Variants in CAMK4 observed in about 807,000 individuals in gnomAD.
CAMK4 encodes the protein calcium/calmodulin dependent protein kinase IV.
Under a neutral mutation model 44.9 loss-of-function variants are expected in CAMK4, and 22 were observed. The ratio of observed to expected loss-of-function variants is 0.49; its 90% CI spans 0.35 to 0.70. The LOEUF (loss-of-function observed/expected upper bound fraction) is 0.70, where lower values mean the gene tolerates loss of function less well. CAMK4 is among the 30% of genes least tolerant of loss of function. CAMK4 has a pLI of 0.01. For missense variants in CAMK4, 498 were observed against 586.8 expected (o/e 0.85, Z 1.56); for synonymous variants, 218 against 215.4 (o/e 1.01, Z -0.11).
At position 111,486,500 on chromosome 5, in the gene CAMK4, A is replaced by AACACACACACACACACACACACACACAC. The variant is rs59808544; in HGVS notation, c.*2049_*2076dup. The AACACACACACACACACACACACACACAC allele has an allele frequency of 9.7e-6, 1 of 103,578 alleles. No homozygotes were observed. The highest frequency in any genetic ancestry group is 2.2e-5 in the Non-Finnish European group (1 of 46,302). The allele number at this position is 103,578 out of a possible 1,614,324, so 6.4% of individuals were successfully genotyped here. A position where few individuals can be genotyped will look rare whatever the true frequency, so the allele number is the denominator to read the frequency against. ...GTTGTACTTTTTACCATGAGACTGA[A>AACACACACACACACACACACACACACAC]ACACACACACACACACACACACACA... On this transcript the variant is annotated 3_prime_UTR_variant, in exon 11 of 11. Coordinates refer to ENST00000282356, the MANE Select transcript of CAMK4 (RefSeq NM_001744.6).
chr5:111,346,575 A>G (rs1749878910), intron 2 of CAMK4, among the ~76,000 whole-genome samples: 1 of 151,760 alleles, frequency 6.6e-6, no homozygotes, highest in Admixed American at 6.6e-5. Context: ...ATAAACTACC[A>G]CAAACTAGAT....
intron 5 of CAMK4, among the ~76,000 whole-genome samples, chr5:111,445,704 G>A (rs1445040705): frequency 6.6e-6 from 1 of 152,020 alleles, no homozygotes; most frequent in Admixed American, 6.6e-5. Flanking sequence ...CTGGTATTAC[G>A]GTCATGAGCC....
At chr5:111,400,979 A>C (rs1054826933) in intron 5 of CAMK4, among the ~76,000 whole-genome samples, 2 of 152,144 alleles carry the variant, frequency 1.3e-5, no homozygotes, top group African/African-American at 4.8e-5. Flanking sequence ...CTCTGTTTCC[A>C]AAACATCATC....
Position 111,422,227 on chromosome 5 carries a change from T to C in CAMK4, c.460-24459T>C, listed in dbSNP as rs1376685343. 3.3e-5 allele frequency among the ~76,000 whole-genome samples: 5 copies of C among 152,228 alleles called. No homozygotes were observed. The South Asian group carries it at 1.0e-3, about 32-fold the overall frequency. On this transcript the variant is annotated intron_variant, in intron 5 of 10. Transcript: ENST00000282356. The stretch of plus-strand genomic sequence containing the variant: ...TATGACACAAACTTGCTACTTCCCT[T>C]CATATAGATGATCTGCTTTCTTCTA...
rs1287175608 is a variant in CAMK4, at chr5:111,493,720, T to C, written c.*9254T>C. On this transcript the variant is annotated 3_prime_UTR_variant, in exon 11 of 11. Coordinates refer to ENST00000282356, the MANE Select transcript of CAMK4 (RefSeq NM_001744.6). This position sits in a 1 kb window ranked among gnomAD's most constrained non-coding sequence, Gnocchi z 4.1. ...ACTGTTTTGTAAGTTCCTTTTGATA[T>C]CATTTATTGCAGGCAGTATTTTTAC... is the stretch of plus-strand genomic sequence containing the variant. 1 of 152,236 alleles carries C rather than the reference T, an allele frequency of 6.6e-6. No homozygotes were observed. The highest frequency in any genetic ancestry group is 1.5e-5 in the Non-Finnish European group (1 of 68,038). The allele number at this position is 152,236 out of a possible 1,614,324, so 9.4% of individuals were successfully genotyped here. A position where few individuals can be genotyped will look rare whatever the true frequency, so the allele number is the denominator to read the frequency against.
chr5:111,438,638 A>T (rs1163027991), intron 5 of CAMK4, among the ~76,000 whole-genome samples: 1 of 152,186 alleles, frequency 6.6e-6, no homozygotes, highest in African/African-American at 2.4e-5. Flanking sequence ...GAGTAGACAA[A>T]TGTGCTCAAA....
chr5:111,478,514 G>A lies in CAMK4; in HGVS notation c.828+7G>A, dbSNP rs762502299. Reference sequence around the variant, plus strand: ...TCTAAATGCCAAGGACTTGGTAAGTGTAACCAAAACAAAATGAAACAAAAT... The same window carrying A: ...TCTAAATGCCAAGGACTTGGTAAGTATAACCAAAACAAAATGAAACAAAAT... On this transcript the variant is annotated splice_region_variant and intron_variant, in intron 9 of 10. Coordinates refer to ENST00000282356, the MANE Select transcript of CAMK4 (RefSeq NM_001744.6). The A allele has an allele frequency of 6.9e-7, 1 of 1,455,608 alleles. No individual in the cohort carries two copies. 90.2% of individuals were successfully genotyped at this position (1,455,608 alleles called of 1,614,324 possible). A position where few individuals can be genotyped will look rare whatever the true frequency, so the allele number is the denominator to read the frequency against.
At chr5:111,250,855 G>C (rs1438118750) in intron 1 of CAMK4, among the ~76,000 whole-genome samples, 1 of 152,026 alleles carries the variant, frequency 6.6e-6, no homozygotes, top group Non-Finnish European at 1.5e-5. Flanking sequence ...TGTTGCCAGG[G>C]TGGTCTTGAA....
intron 1 of CAMK4, among the ~76,000 whole-genome samples, chr5:111,264,445 T>A (rs536398701): frequency 1.1e-4 from 16 of 152,300 alleles, no homozygotes; most frequent in African/African-American, 3.8e-4. Flanking sequence ...CCTTGCATGG[T>A]TCTTGAATGC....
chr5:111,376,163 A>G lies in CAMK4; in HGVS notation c.304-697A>G, dbSNP rs564067146. 6.6e-5 allele frequency among the ~76,000 whole-genome samples: 10 copies of G among 152,084 alleles called. No homozygotes were observed. The South Asian group carries it at 2.1e-3, about 32-fold the overall frequency. On this transcript the variant is annotated intron_variant, in intron 3 of 10. Coordinates refer to ENST00000282356, the MANE Select transcript of CAMK4 (RefSeq NM_001744.6). ...ATAAAATCTCCCACACTCCATCACCACTTTTACATTATCCATCTCTTCTCT... is the reference window on the plus strand; with the variant it reads ...ATAAAATCTCCCACACTCCATCACCGCTTTTACATTATCCATCTCTTCTCT...
chr5:111,473,381 C>A lies in CAMK4; in HGVS notation c.696C>A (p.Tyr232Ter). 6.3e-7 allele frequency: 1 copy of A among 1,597,938 alleles called. No individual in the cohort carries two copies. Among genetic ancestry groups the A allele is most frequent in the Non-Finnish European group, 8.6e-7 (1 of 1,165,978 alleles). The change falls in exon 8 of 11, where the codon TAC (tyrosine) becomes TAA (stop). Residue 232 changes from tyrosine (Y) to a stop codon, truncating the protein, a stop_gained. Coordinates refer to ENST00000282356, the MANE Select transcript of CAMK4 (RefSeq NM_001744.6). LOFTEE classifies it high-confidence loss of function. ...VDMWSVGIIT[Y>*]ILLCGFEPFY... ...TGTGGTCTGTAGGAATAATCACCTA[C>A]ATCTTGTAAGTGAAGAAAAGCAATA...
chr5:111,343,478 A>G (rs958636562), intron 1 of CAMK4, among the ~76,000 whole-genome samples: 2 of 151,718 alleles, frequency 1.3e-5, no homozygotes. Context: ...AACCCTGTAC[A>G]TATGTGAAAA....
chr5:111,325,477 C>T lies in CAMK4; in HGVS notation c.162-18547C>T, dbSNP rs1044308562. On this transcript the variant is annotated intron_variant, in intron 1 of 10. Transcript: ENST00000282356. ...TGGTTGAACTAATTTACACTCTCAC[C>T]AACGATGTAAAAGCATTCCTATTTC... Among the ~76,000 whole-genome samples, 6 of 152,192 alleles carry T rather than the reference C, an allele frequency of 3.9e-5. No homozygotes were observed. In the East Asian group the frequency reaches 1.2e-3, roughly 30 times the overall value.
At chr5:111,458,668 G>T (rs188848560) in intron 7 of CAMK4, among the ~76,000 whole-genome samples, 1 of 152,252 alleles carries the variant, frequency 6.6e-6, no homozygotes, top group East Asian at 1.9e-4. Flanking sequence ...AGGAGCCTGG[G>T]TTACAGTTTA....
Position 111,366,194 on chromosome 5 carries a change from A to G in CAMK4, c.241-8656A>G, listed in dbSNP as rs75070115. On this transcript the variant is annotated intron_variant, in intron 2 of 10. Transcript: ENST00000282356. ...TGTACTTAGCATAATATCTCTGGAC[A>G]TCATTCATACCAAAAATAAGTCAAA... Among the ~76,000 whole-genome samples, 1,049 of 152,276 alleles carry G rather than the reference A, an allele frequency of 6.9e-3. 9 individuals are homozygous for G. The highest frequency in any genetic ancestry group is 0.023 in the African/African-American group (961 of 41,572).
intron 2 of CAMK4, among the ~76,000 whole-genome samples, chr5:111,370,191 T>C (rs1750952368): frequency 6.6e-6 from 1 of 152,194 alleles, no homozygotes; most frequent in Non-Finnish European, 1.5e-5. Flanking sequence ...CAAATGATTT[T>C]ACCAGAAGTT....
At chr5:111,379,257 A>C (rs541577691) in intron 4 of CAMK4, among the ~76,000 whole-genome samples, 15 of 152,288 alleles carry the variant, frequency 9.8e-5, no homozygotes, top group African/African-American at 3.6e-4. Flanking sequence ...ATTGGGAATC[A>C]TGGGTTTCTC....
chr5:111,433,161 A>G (rs1169805177), intron 5 of CAMK4, among the ~76,000 whole-genome samples: 1 of 152,208 alleles, frequency 6.6e-6, no homozygotes, highest in African/African-American at 2.4e-5. Flanking sequence ...TGTTAAAACA[A>G]CCACTGTCTT....
chr5:111,426,764 A>G (rs1753240987), intron 5 of CAMK4, among the ~76,000 whole-genome samples: 1 of 152,158 alleles, frequency 6.6e-6, no homozygotes, highest in African/African-American at 2.4e-5. Flanking sequence ...AGGAAACCCC[A>G]ACCAAATTCA....
Sources: gnomAD v4.1 joint callset for allele counts (sites outside exome capture counted in the v4.1 genomes callset) on GRCh38, gnomAD v4.1.1 for gene constraint, Gnocchi (gnomAD v3.1) non-coding constraint, MANE v1.5 for transcripts, NCBI Gene and HGNC (gene_info 2026-07-23, HGNC 2026-07-21) for gene names.